The following JADE1 variants were observed in gnomAD, a reference collection of about 807,000 sequenced individuals.
JADE1 encodes the protein protein Jade-1.
A neutral mutation model predicts 81.8 loss-of-function variants in JADE1; 14 were observed. The observed-to-expected ratio is 0.17, with a 90% confidence interval of 0.11 to 0.27. The LOEUF is 0.27. Ranked by LOEUF, JADE1 falls within the 10% of genes least tolerant of loss-of-function variation. The pLI is 1.00. For missense variants in JADE1, 690 were observed against 1,047.9 expected, an observed-to-expected ratio of 0.66 and a Z score of 4.71; for synonymous variants, 353 against 391.9, an observed-to-expected ratio of 0.90 and a Z score of 1.17.
chr4:128,866,849 G>T (rs1366849744), intron 9 of JADE1, among the ~76,000 whole-genome samples: 2 of 152,192 alleles, frequency 1.3e-5, no homozygotes, highest in African/African-American at 4.8e-5. Context: ...GGGTTTAATT[G>T]TGTATTTGGT....
In JADE1 at chr4:128,873,052, C is replaced by T; in HGVS notation, c.*790C>T. On this transcript the variant is annotated 3_prime_UTR_variant, in exon 11 of 11. Coordinates refer to ENST00000226319, the MANE Select transcript of JADE1 (RefSeq NM_199320.4). The stretch of plus-strand genomic sequence containing the variant: ...TACCAGTCCACTTGACCTTCTTCTT[C>T]CCTAACCACTGGCTCTTGAGCCAGC... The T allele has an allele frequency of 2.7e-6, 1 of 371,250 alleles. No individual in the cohort carries two copies. Among genetic ancestry groups the T allele is most frequent in the Non-Finnish European group, 5.5e-6 (1 of 181,230 alleles). The allele number at this position is 371,250 out of a possible 1,614,324, so 23.0% of individuals were successfully genotyped here.
rs147005557 is a variant in JADE1, at chr4:128,827,895, T to C, written c.-26-3838T>C. The C allele has an allele frequency of 9.1e-6, 9 of 985,222 alleles. No homozygotes were observed. The Admixed American group carries it at 1.8e-4, about 20-fold the overall frequency. 61.0% of individuals were successfully genotyped at this position (985,222 alleles called of 1,614,324 possible). ...ATGCTACCCAGAGTAATATGCTGTG[T>C]TACACATATGTTGGTAAGTACGGTG... On this transcript the variant is annotated intron_variant, in intron 1 of 10. Transcript: ENST00000226319.
rs181717067 is a variant in JADE1, at chr4:128,854,190, T to C, written c.697-1440T>C. On this transcript the variant is annotated intron_variant, in intron 6 of 10. Transcript: ENST00000226319. ...GATGTCAGGGCAGGCTTGTGCAAGC[T>C]CTCACGGTGGACGTGTGGCAGAGTT... Among the ~76,000 whole-genome samples, 5 of 152,268 alleles carry C rather than the reference T, an allele frequency of 3.3e-5. No individual in the cohort carries two copies. The East Asian group carries it at 7.7e-4, about 24-fold the overall frequency.
chr4:128,832,772 G>A (rs1049513773), intron 2 of JADE1, among the ~76,000 whole-genome samples: 1 of 152,214 alleles, frequency 6.6e-6, no homozygotes, highest in Non-Finnish European at 1.5e-5. Flanking sequence ...GGCAAATAGG[G>A]TTATTTTCAG....
At chr4:128,847,322 A>G (rs1302188397) in intron 4 of JADE1, among the ~76,000 whole-genome samples, 1 of 152,226 alleles carries the variant, frequency 6.6e-6, no homozygotes, top group Admixed American at 6.5e-5. Flanking sequence ...CTGAGTCATT[A>G]CTGAACTTGC....
At chr4:128,827,369 T>G (rs1357898969) in intron 1 of JADE1, among the ~76,000 whole-genome samples, 4 of 152,160 alleles carry the variant, frequency 2.6e-5, no homozygotes, top group Non-Finnish European at 5.9e-5. Flanking sequence ...TGTTTGGAGT[T>G]GGAGTGGTCA....
intron 1 of JADE1, among the ~76,000 whole-genome samples, chr4:128,815,768 C>A (rs903266322): frequency 6.6e-6 from 1 of 152,120 alleles, no homozygotes; most frequent in African/African-American, 2.4e-5. Flanking sequence ...TATTATGGGG[C>A]ACCTGTTACA....
chr4:128,854,209 C>T (rs1241881221), intron 6 of JADE1, among the ~76,000 whole-genome samples: 3 of 152,054 alleles, frequency 2.0e-5, no homozygotes, highest in African/African-American at 7.2e-5. Context: ...GGACGTGTGG[C>T]AGAGTTGTAA....
At position 128,838,177 on chromosome 4, in the gene JADE1, T is replaced by A. The variant is rs540167003; in HGVS notation, c.53-4776T>A. Among the ~76,000 whole-genome samples the A allele has an allele frequency of 2.0e-5, 3 of 152,366 alleles. No homozygotes were observed. In the East Asian group the frequency reaches 5.8e-4, roughly 29 times the overall value. On this transcript the variant is annotated intron_variant, in intron 2 of 10. Coordinates refer to ENST00000226319, the MANE Select transcript of JADE1 (RefSeq NM_199320.4). ...ACAAACTCTGTGCCTTTTATAACTT[T>A]ATATTAACCCAAAGGATTCTGTTTT...
chr4:128,819,079 G>A (rs1727313319), intron 1 of JADE1, among the ~76,000 whole-genome samples: 1 of 152,164 alleles, frequency 6.6e-6, no homozygotes, highest in African/African-American at 2.4e-5. Flanking sequence ...GCCCACTTTG[G>A]CCATCACTCC....
At chr4:128,853,426 C>T (rs1484283835) in intron 6 of JADE1, among the ~76,000 whole-genome samples, 2 of 152,124 alleles carry the variant, frequency 1.3e-5, no homozygotes, top group Non-Finnish European at 2.9e-5. Flanking sequence ...TTCCTGAAGA[C>T]GATTTCCTGT....
At position 128,872,381 on chromosome 4, in the gene JADE1, G is replaced by T; in HGVS notation, c.*119G>T. The T allele has an allele frequency of 1.2e-6, 1 of 825,360 alleles. No individual in the cohort carries two copies. Among genetic ancestry groups the T allele is most frequent in the South Asian group, 2.0e-5 (1 of 50,066 alleles). 51.1% of individuals were successfully genotyped at this position (825,360 alleles called of 1,614,324 possible). ...CTGAGCTACACAAACACATTTACTT[G>T]CAATTCAGATTAATTTTTTTCCAGA... On this transcript the variant is annotated 3_prime_UTR_variant, in exon 11 of 11. Coordinates refer to ENST00000226319, the MANE Select transcript of JADE1 (RefSeq NM_199320.4).
At chr4:128,869,941 A>G (rs1193794368) in intron 10 of JADE1, among the ~76,000 whole-genome samples, 6 of 151,874 alleles carry the variant, frequency 4.0e-5, no homozygotes, top group Non-Finnish European at 1.5e-5. Flanking sequence ...CATGATTTAT[A>G]TGTCATTTAG....
At chr4:128,862,359 T>C in intron 9 of JADE1, 134 bp downstream of exon 9, 1 of 1,462,130 alleles carries the variant, frequency 6.8e-7, no homozygotes, top group Non-Finnish European at 9.0e-7. Flanking sequence ...TGAGGTTGTG[T>C]TGGTTAAAAA....
chr4:128,819,045 C>T (rs772439126), intron 1 of JADE1, among the ~76,000 whole-genome samples: 8 of 152,084 alleles, frequency 5.3e-5, no homozygotes, highest in Non-Finnish European at 1.2e-4. Flanking sequence ...TCTTTGTTCT[C>T]GAACTCCTGA....
rs1225779578 is a variant in JADE1 at position 128,809,829 on chromosome 4, G to T, written c.-75G>T. The T allele has an allele frequency of 1.3e-5, 2 of 151,162 alleles. No individual in the cohort carries two copies. Among genetic ancestry groups the T allele is most frequent in the South Asian group, 1.9e-4 (1 of 5,178 alleles). The allele number at this position is 151,162 out of a possible 1,614,324, so 9.4% of individuals were successfully genotyped here. On this transcript the variant is annotated 5_prime_UTR_variant, in exon 1 of 11. Transcript: ENST00000226319. Reference sequence around the variant, plus strand: ...GGCCCGAACTCATGCAGCTCCGAGCGAGCGAGCGGCGCCCAGCCCAGCGCC... The same window carrying T: ...GGCCCGAACTCATGCAGCTCCGAGCTAGCGAGCGGCGCCCAGCCCAGCGCC...
At chr4:128,858,352 T>C (rs1476755453) in intron 8 of JADE1, among the ~76,000 whole-genome samples, 5 of 152,128 alleles carry the variant, frequency 3.3e-5, no homozygotes, top group Admixed American at 2.6e-4. Context: ...ATGGGGGCCC[T>C]TCAGGTTAAG....
intron 5 of JADE1, among the ~76,000 whole-genome samples, chr4:128,849,719 G>T (rs908821218): frequency 6.6e-5 from 10 of 152,154 alleles, no homozygotes; most frequent in Non-Finnish European, 1.5e-4. Context: ...GACATTAGCT[G>T]TGTGCCCAGC....
At chr4:128,867,764 G>T (rs1385500161) in intron 9 of JADE1, 92 bp from the exon 10 acceptor site, 25 of 687,064 alleles carry the variant, frequency 3.6e-5, no homozygotes, top group Non-Finnish European at 6.3e-5. Flanking sequence ...GCCCTAGTAG[G>T]AGTAATTTCT....
Sources: gnomAD v4.1 joint callset for allele counts (sites outside exome capture counted in the v4.1 genomes callset) on GRCh38, gnomAD v4.1.1 for gene constraint, MANE v1.5 for transcripts, NCBI Gene and HGNC (gene_info 2026-07-23, HGNC 2026-07-21) for gene names.